The following LEMD3 variants were observed in gnomAD, a reference collection of about 807,000 sequenced individuals.
LEMD3 encodes LEM domain containing 3, also known as inner nuclear membrane protein Man1.
A neutral mutation model predicts 95.2 loss-of-function variants in LEMD3; 33 were observed. The observed-to-expected ratio is 0.35, with a 90% CI of 0.26 to 0.46. LEMD3 has a LOEUF of 0.46. Among genes scored for constraint, LEMD3 ranks in the 20% least tolerant of loss-of-function variants. The pLI, the probability that LEMD3 is intolerant of heterozygous loss-of-function variation, is 1.00. For synonymous variants in LEMD3, 525 were observed against 474.6 expected, an observed-to-expected ratio of 1.11 and a Z score of -1.38; for missense variants, 1,210 against 1,192.8, an observed-to-expected ratio of 1.01 and a Z score of -0.21.
intron 2 of LEMD3, among the ~76,000 whole-genome samples, chr12:65,214,458 C>T (rs1250464560): frequency 6.6e-6 from 1 of 152,176 alleles, no homozygotes; most frequent in Non-Finnish European, 1.5e-5. Flanking sequence ...TAACTTATCT[C>T]AGTCAACCGT....
intron 1 of LEMD3, among the ~76,000 whole-genome samples, chr12:65,209,622 GA>G (rs1310798840): frequency 4.6e-5 from 7 of 151,896 alleles, no homozygotes; most frequent in African/African-American, 1.2e-4. Context: ...TTCCCCTTTT[GA>G]GTACTTTTGA....
At chr12:65,176,166 C>T (rs781743419) in intron 1 of LEMD3, among the ~76,000 whole-genome samples, 10 of 152,192 alleles carry the variant, frequency 6.6e-5, no homozygotes, top group Non-Finnish European at 1.2e-4. Flanking sequence ...GTTTCTAAAG[C>T]ACAAATGTGA....
chr12:65,234,925 T>A (rs901406327), intron 4 of LEMD3, among the ~76,000 whole-genome samples: 4 of 152,184 alleles, frequency 2.6e-5, no homozygotes, highest in Non-Finnish European at 5.9e-5. Context: ...TTTTATGTTA[T>A]CTGAAACTTA....
chr12:65,221,779 C>T (rs199710741), intron 4 of LEMD3, among the ~76,000 whole-genome samples: 5 of 140,156 alleles, frequency 3.6e-5, no homozygotes, highest in East Asian at 2.2e-4. Flanking sequence ...CTCACTCTGT[C>T]GCCCAGGCTG....
At chr12:65,198,911 A>G (rs1249356159) in intron 1 of LEMD3, among the ~76,000 whole-genome samples, 4 of 152,074 alleles carry the variant, frequency 2.6e-5, no homozygotes, top group Non-Finnish European at 5.9e-5. Context: ...ACAGAGGGCT[A>G]TCACCACTAC....
chr12:65,198,268 T>A (rs1011800577), intron 1 of LEMD3, among the ~76,000 whole-genome samples: 1 of 152,122 alleles, frequency 6.6e-6, no homozygotes, highest in Non-Finnish European at 1.5e-5. Context: ...AATTATAGTA[T>A]TCATTAGCAT....
In LEMD3 at chr12:65,238,497, GT is replaced by G; in HGVS notation, c.1696-3del. On this transcript the variant is annotated splice_region_variant and splice_polypyrimidine_tract_variant and intron_variant, in intron 4 of 12. Transcript: ENST00000308330. ...ATAGTTATTTTTCTCTATTTTTCTTGTTAGGATTTAGGTCCTGAATATGAAG... is the reference window on the plus strand; with the variant it reads ...ATAGTTATTTTTCTCTATTTTTCTTGTAGGATTTAGGTCCTGAATATGAAG... 6.4e-7 allele frequency: 1 copy of G among 1,560,994 alleles called. No homozygotes were observed. Among genetic ancestry groups the G allele is most frequent in the Non-Finnish European group, 8.8e-7 (1 of 1,132,158 alleles).
rs182753264 is a variant in LEMD3 at position 65,204,313 on chromosome 12, C to A, written c.1523-6613C>A. 1.2e-4 allele frequency among the ~76,000 whole-genome samples: 18 copies of A among 152,128 alleles called. No homozygotes were observed. In the East Asian group the frequency reaches 3.3e-3, roughly 28 times the overall value. On this transcript the variant is annotated intron_variant, in intron 1 of 12. Transcript: ENST00000308330. The stretch of plus-strand genomic sequence containing the variant: ...GGCCAGCATCCATTAGCTGTTTTTC[C>A]TGATGCTCTCCCTCACCCCACCCAA...
At chr12:65,208,214 A>G (rs976734443) in intron 1 of LEMD3, among the ~76,000 whole-genome samples, 53 of 152,160 alleles carry the variant, frequency 3.5e-4, no homozygotes, top group African/African-American at 1.2e-3. Context: ...TGAAGAAGAA[A>G]TGTCCAAAAA....
At chr12:65,233,214 G>C (rs1358039285) in intron 4 of LEMD3, among the ~76,000 whole-genome samples, 2 of 152,128 alleles carry the variant, frequency 1.3e-5, no homozygotes, top group African/African-American at 4.8e-5. Flanking sequence ...CAAAGTACTT[G>C]CTCTTTTCTA....
At chr12:65,178,964 A>G (rs896646886) in intron 1 of LEMD3, among the ~76,000 whole-genome samples, 2 of 152,334 alleles carry the variant, frequency 1.3e-5, no homozygotes, top group South Asian at 2.1e-4. Flanking sequence ...TATTCATTCA[A>G]CAATTATGAA....
At chr12:65,174,438 G>GACTGT (rs1285670323) in intron 1 of LEMD3, among the ~76,000 whole-genome samples, 1 of 152,120 alleles carries the variant, frequency 6.6e-6, no homozygotes, top group African/African-American at 2.4e-5. Context: ...AGAATAGATT[G>GACTGT]ACTGTCCTAG....
chr12:65,172,960 C>G (rs1171102065), intron 1 of LEMD3, among the ~76,000 whole-genome samples: 1 of 152,114 alleles, frequency 6.6e-6, no homozygotes, highest in African/African-American at 2.4e-5. Flanking sequence ...TTTCTAAGAG[C>G]TAATTGCTTT....
intron 1 of LEMD3, among the ~76,000 whole-genome samples, chr12:65,210,381 A>G (rs115188581): frequency 6.6e-6 from 1 of 152,252 alleles, no homozygotes; most frequent in African/African-American, 2.4e-5. Context: ...TTCAGTAGTT[A>G]ACTGCTTCTT....
chr12:65,188,200 T>C (rs1869125927), intron 1 of LEMD3, among the ~76,000 whole-genome samples: 2 of 152,050 alleles, frequency 1.3e-5, no homozygotes, highest in South Asian at 2.1e-4. Context: ...TCTTTTAATA[T>C]TGGATAAAGG....
chr12:65,170,436 C>T lies in LEMD3; in HGVS notation c.840C>T (p.Ser280=), dbSNP rs1868493514. Residue 280 remains serine, a synonymous_variant, in exon 1 of 13, where the codon TCC becomes TCT. Coordinates refer to ENST00000308330, the MANE Select transcript of LEMD3 (RefSeq NM_014319.5). Reference sequence around the variant, plus strand: ...GCAGACAGGTATTAAAGGACGACTCCCTTTCCCGGCATCGGCCCAGACGAA... The same window carrying T: ...GCAGACAGGTATTAAAGGACGACTCTCTTTCCCGGCATCGGCCCAGACGAA... ...ASSRQVLKDD[S]LSRHRPRRTH... 4 of 1,614,110 alleles carry T rather than the reference C, an allele frequency of 2.5e-6. No individual in the cohort carries two copies. The highest frequency in any genetic ancestry group is 1.7e-6 in the Non-Finnish European group (2 of 1,180,014).
At chr12:65,245,143 T>G (rs1335130648) in intron 10 of LEMD3, among the ~76,000 whole-genome samples, 2 of 150,470 alleles carry the variant, frequency 1.3e-5, no homozygotes, top group African/African-American at 2.4e-5. Context: ...TTTTTTTTTT[T>G]TTTTTGAGAC....
intron 1 of LEMD3, among the ~76,000 whole-genome samples, chr12:65,172,593 T>C (rs1336269259): frequency 6.6e-6 from 1 of 152,004 alleles, no homozygotes; most frequent in African/African-American, 2.4e-5. Flanking sequence ...CTGCCCCAAA[T>C]ATTTGGGAGA....
chr12:65,196,931 A>T (rs542314273), intron 1 of LEMD3, among the ~76,000 whole-genome samples: 111 of 152,278 alleles, frequency 7.3e-4, no homozygotes, highest in African/African-American at 2.5e-3. Flanking sequence ...TATTTAAGCA[A>T]AGAATGATTT....
Sources: allele counts gnomAD v4.1 joint callset (sites outside exome capture counted in the v4.1 genomes callset), GRCh38; gene constraint gnomAD v4.1.1; transcripts MANE v1.5; gene names NCBI Gene and HGNC (gene_info 2026-07-23, HGNC 2026-07-21).